Variants in DBX2 observed in about 807,000 individuals in gnomAD.
DBX2 encodes the protein developing brain homeobox 2.
A neutral mutation model predicts 17.7 loss-of-function variants in DBX2; 16 were observed. That is an observed-to-expected ratio of 0.90 (90% CI 0.61 to 1.37). The LOEUF is 1.37. Ranked by LOEUF, DBX2 falls within the 40% of genes most tolerant of loss-of-function variation. DBX2 has a pLI of 0.00. For missense variants in DBX2, 538 were observed against 433.8 expected, an observed-to-expected ratio of 1.24 and a Z score of -2.13; for synonymous variants, 255 against 183.8, an observed-to-expected ratio of 1.39 and a Z score of -3.13.
intron 3 of DBX2, 61 bp downstream of exon 3, chr12:45,023,646 C>G: frequency 6.2e-7 from 1 of 1,603,220 alleles, no homozygotes; most frequent in African/African-American, 1.3e-5. Flanking sequence ...CTGAACACAA[C>G]TGATTTCATC....
chr12:45,027,039 T>C (rs1398094978), intron 2 of DBX2, among the ~76,000 whole-genome samples: 1 of 152,192 alleles, frequency 6.6e-6, no homozygotes, highest in Non-Finnish European at 1.5e-5. Flanking sequence ...ATTCTGAATA[T>C]CTCAATATGT....
chr12:45,023,527 G>C (rs1035359445), intron 3 of DBX2, among the ~76,000 whole-genome samples, 180 bp downstream of exon 3: 1 of 152,116 alleles, frequency 6.6e-6, no homozygotes, highest in African/African-American at 2.4e-5. Flanking sequence ...AGCATTTCAA[G>C]AACACCTCAG....
rs750255454 is a variant in DBX2 at position 45,016,306 on chromosome 12, C to G, written c.1000G>C (p.Val334Leu). The change falls in exon 4 of 4, where the codon GTA becomes CTA. Residue 334 changes from valine (V) to leucine (L), a missense_variant. Physicochemically the swap from Val to Leu is conservative, Grantham distance 32. Coordinates refer to ENST00000332700, the MANE Select transcript of DBX2 (RefSeq NM_001004329.3). ...TCCATTCAGACAGCCCCAGTAAGTA[C>G]ACCCTTGCTTCCAGCTTCTTCTTCA... Reference protein sequence around the residue: ...CSEEEAGSKGVLTGAV With the variant: ...CSEEEAGSKGLLTGAV 1.6e-5 allele frequency: 25 copies of G among 1,583,268 alleles called. No individual in the cohort carries two copies. The highest frequency in any genetic ancestry group is 2.1e-5 in the Non-Finnish European group (25 of 1,167,114).
At chr12:45,026,875 A>G (rs947524874) in intron 2 of DBX2, among the ~76,000 whole-genome samples, 23 of 152,110 alleles carry the variant, frequency 1.5e-4, no homozygotes, top group African/African-American at 5.3e-4. Flanking sequence ...TCATCTTCAC[A>G]TAGGATGTTG....
chr12:45,042,879 C>T (rs924053037), intron 1 of DBX2, among the ~76,000 whole-genome samples: 2 of 152,148 alleles, frequency 1.3e-5, no homozygotes, highest in Non-Finnish European at 2.9e-5. Flanking sequence ...AGCTGTGGGA[C>T]GTTAGTTCAC....
chr12:45,047,199 T>C (rs1476021939), intron 1 of DBX2, among the ~76,000 whole-genome samples: 2 of 152,144 alleles, frequency 1.3e-5, no homozygotes, highest in Non-Finnish European at 2.9e-5. Context: ...CAGACATGAA[T>C]ATTTTAATCA....
chr12:45,045,095 A>G (rs1257535491), intron 1 of DBX2, among the ~76,000 whole-genome samples: 1 of 152,192 alleles, frequency 6.6e-6, no homozygotes, highest in Admixed American at 6.5e-5. Flanking sequence ...GGATTCTAAC[A>G]AGCATTCCTA....
intron 3 of DBX2, among the ~76,000 whole-genome samples, chr12:45,022,466 G>T (rs1946358685): frequency 6.6e-6 from 1 of 151,866 alleles, no homozygotes; most frequent in Non-Finnish European, 1.5e-5. Flanking sequence ...ACCTCGCCCA[G>T]CTAACTTTTT....
chr12:45,049,947 C>A (rs1946520072), intron 1 of DBX2, among the ~76,000 whole-genome samples: 2 of 152,174 alleles, frequency 1.3e-5, no homozygotes, highest in Non-Finnish European at 2.9e-5. Flanking sequence ...GCCTTCATTT[C>A]TTTGCGCCTA....
Position 45,050,554 on chromosome 12 carries a change from C to A in DBX2, c.374G>T (p.Arg125Leu), listed in dbSNP as rs1289171146. 1.3e-6 allele frequency: 2 copies of A among 1,552,650 alleles called. No individual in the cohort carries two copies. Among genetic ancestry groups the A allele is most frequent in the South Asian group, 1.2e-5 (1 of 84,210 alleles). The change falls in exon 1 of 4, where the codon CGA becomes CTA. Residue 125 changes from arginine to leucine, a missense_variant. Physicochemically the swap from Arg to Leu is moderately radical, Grantham distance 102. Transcript: ENST00000332700. ...CGCTGAAGGCTGGAAGGTACAGTCT[C>A]GGTCCCCCGGAGCCCGGCCCGGCAG... ...ARLPGRAPGD[R>L]DCTFQPSAPA...
At chr12:45,029,879 A>AAAAT (rs146831156) in intron 2 of DBX2, among the ~76,000 whole-genome samples, 5,443 of 143,164 alleles carry the variant, frequency 0.038, 211 homozygotes, top group African/African-American at 0.088. Context: ...AAAAATAATA[A>AAAAT]AAATAAATAA....
At chr12:45,026,128 A>G (rs35781370) in intron 2 of DBX2, among the ~76,000 whole-genome samples, 11,455 of 152,276 alleles carry the variant, frequency 0.075, 557 homozygotes, top group Admixed American at 0.12. Context: ...AAAGGTAACC[A>G]CACTGGGCTC....
intron 3 of DBX2, among the ~76,000 whole-genome samples, chr12:45,017,039 GC>G (rs1183309958): frequency 1.5e-4 from 23 of 151,950 alleles, no homozygotes; most frequent in Non-Finnish European, 3.2e-4. Flanking sequence ...GCCCGCCTTG[GC>G]CCCCAAAAGT....
At chr12:45,033,530 A>C (rs1222748366) in intron 2 of DBX2, among the ~76,000 whole-genome samples, 1 of 152,198 alleles carries the variant, frequency 6.6e-6, no homozygotes, top group African/African-American at 2.4e-5. Flanking sequence ...TGTAAACCTT[A>C]TTAACTGTAC....
At chr12:45,020,952 A>C (rs1449579582) in intron 3 of DBX2, among the ~76,000 whole-genome samples, 1 of 152,128 alleles carries the variant, frequency 6.6e-6, no homozygotes, top group Non-Finnish European at 1.5e-5. Context: ...GGATTCCAGC[A>C]GAGTAAGATG....
At chr12:45,035,923 C>CA in intron 2 of DBX2, 96 bp downstream of exon 2, 3 of 1,137,914 alleles carry the variant, frequency 2.6e-6, no homozygotes, top group Non-Finnish European at 3.7e-6. Context: ...AGCTCCTTGC[C>CA]ATTGCATTAC....
intron 3 of DBX2, among the ~76,000 whole-genome samples, chr12:45,022,906 A>C (rs1946361377): frequency 6.6e-6 from 1 of 152,176 alleles, no homozygotes; most frequent in African/African-American, 2.4e-5. Context: ...AAGCTGTCTA[A>C]GGTGGGAGCC....
intron 1 of DBX2, among the ~76,000 whole-genome samples, chr12:45,050,157 G>A (rs1025332114): frequency 6.6e-6 from 1 of 152,118 alleles, no homozygotes; most frequent in Non-Finnish European, 1.5e-5. Flanking sequence ...AAACAGGACC[G>A]GGCAGGTTAG....
intron 1 of DBX2, among the ~76,000 whole-genome samples, chr12:45,036,553 C>T (rs1433513087): frequency 1.3e-5 from 2 of 152,160 alleles, no homozygotes; most frequent in Non-Finnish European, 2.9e-5. Context: ...TGCATATTTA[C>T]TCTAAATTCA....
Sources: gnomAD v4.1 joint callset for allele counts (sites outside exome capture counted in the v4.1 genomes callset) on GRCh38, gnomAD v4.1.1 for gene constraint, MANE v1.5 for transcripts, NCBI Gene and HGNC (gene_info 2026-07-23, HGNC 2026-07-21) for gene names.